Variants in KLRG1 observed in about 807,000 individuals in gnomAD.
KLRG1 encodes killer cell lectin like receptor G1, also known as killer cell lectin-like receptor subfamily G member 1.
KLRG1 carries 16 observed loss-of-function variants against 21.8 expected under a neutral mutation model. That is an observed-to-expected ratio of 0.73 (90% CI 0.50 to 1.11). The LOEUF (loss-of-function observed/expected upper bound fraction) is 1.11, where lower values mean the gene tolerates loss of function less well. KLRG1 is among the 50% of genes most tolerant of loss of function. KLRG1 has a pLI of 0.00. For missense variants in KLRG1, 173 were observed against 218.3 expected (o/e 0.79, Z 1.31); for synonymous variants, 69 against 75.9 (o/e 0.91, Z 0.47).
the KLRG1 span, among the ~76,000 whole-genome samples, chr12:9,021,062 ATAGAAAAAATAC>A: frequency 3.9e-5 from 6 of 152,224 alleles, no homozygotes; most frequent in African/African-American, 1.4e-4. Flanking sequence ...ACATCCAAGC[ATAGAAAAAATAC>A]AGTAAAATAC....
At chr12:9,113,353 C>T in the KLRG1 span, 2 of 1,612,830 alleles carry the variant, frequency 1.2e-6, no homozygotes, top group Admixed American at 3.3e-5. Flanking sequence ...CAAACAGCCA[C>T]ACTCACAGCG....
chr12:9,107,430 T>C, the KLRG1 span: 1 of 1,452,916 alleles, frequency 6.9e-7, no homozygotes, highest in Non-Finnish European at 9.4e-7. Context: ...CTCTTCTAGA[T>C]TGTTCTCTTC....
At chr12:9,162,460 A>G in the KLRG1 span, 1 of 656,910 alleles carries the variant, frequency 1.5e-6, no homozygotes, top group East Asian at 2.7e-5. Flanking sequence ...AAACATACAT[A>G]AAGAAATATT....
chr12:9,070,518 G>T, the KLRG1 span: 1 of 1,613,906 alleles, frequency 6.2e-7, no homozygotes, highest in Non-Finnish European at 8.5e-7. Context: ...GGGGAATGAA[G>T]CCAGAGACCA....
chr12:8,958,856 CAA>C (rs35772625), intron 1 of KLRG1, among the ~76,000 whole-genome samples: 209 of 131,574 alleles, frequency 1.6e-3, no homozygotes, highest in Non-Finnish European at 1.7e-3. Context: ...TACCCTGTAT[CAA>C]AAAAAAAAAA....
At chr12:9,034,559 C>T in the KLRG1 span, among the ~76,000 whole-genome samples, 1 of 152,072 alleles carries the variant, frequency 6.6e-6, no homozygotes, top group African/African-American at 2.4e-5. Context: ...GATTCTTCCG[C>T]CACAGCCTCC....
chr12:9,158,410 A>G, the KLRG1 span: 13 of 1,613,832 alleles, frequency 8.1e-6, no homozygotes, highest in African/African-American at 2.7e-5. Flanking sequence ...AAGTTTGTGG[A>G]ACAGTTCACC....
intron 1 of KLRG1, 35 bp downstream of exon 1, chr12:8,989,752 T>C: frequency 8.5e-7 from 1 of 1,174,700 alleles, no homozygotes; most frequent in Non-Finnish European, 1.3e-6. Context: ...AGACGATGCA[T>C]AGCAACAGTA....
chr12:9,106,513 G>C, the KLRG1 span: 2 of 1,597,524 alleles, frequency 1.3e-6, no homozygotes, highest in Non-Finnish European at 1.7e-6. Context: ...CTTGGATCTG[G>C]GCCTCAGTGT....
chr12:9,047,280 C>T, the KLRG1 span, among the ~76,000 whole-genome samples: 82 of 152,172 alleles, frequency 5.4e-4, no homozygotes, highest in African/African-American at 1.8e-3. Flanking sequence ...TTATAAGGGA[C>T]GGGAGTGAGG....
chr12:9,098,482 T>G, the KLRG1 span: 1 of 1,061,056 alleles, frequency 9.4e-7, no homozygotes, highest in Non-Finnish European at 1.3e-6. Context: ...ACAAGAGAGC[T>G]CAAAGCAATT....
the KLRG1 span, chr12:9,066,498 CACACACCCCTA>C: frequency 6.6e-6 from 1 of 152,320 alleles, no homozygotes; most frequent in African/African-American, 2.4e-5. Flanking sequence ...CACGCTTGCT[CACACACCCCTA>C]GCACACCCCT....
At chr12:9,202,531 G>A in the KLRG1 span, 1 of 1,614,078 alleles carries the variant, frequency 6.2e-7, no homozygotes, top group Non-Finnish European at 8.5e-7. Flanking sequence ...TTACCTGTCT[G>A]TCCTGGTTTA....
chr12:9,059,964 T>C, the KLRG1 span, among the ~76,000 whole-genome samples: 1 of 149,412 alleles, frequency 6.7e-6, no homozygotes, highest in Admixed American at 6.7e-5. Context: ...GGGTTACAGG[T>C]GTGAGCCACT....
chr12:9,142,338 T>G, the KLRG1 span, among the ~76,000 whole-genome samples: 1 of 152,208 alleles, frequency 6.6e-6, no homozygotes, highest in Non-Finnish European at 1.5e-5. Context: ...GCAAAGATTA[T>G]TCTGTTTGGG....
chr12:9,130,871 A>G, the KLRG1 span, among the ~76,000 whole-genome samples: 3 of 152,098 alleles, frequency 2.0e-5, no homozygotes, highest in Admixed American at 2.0e-4. Context: ...GAAGTCATTG[A>G]CAAACCCCAT....
the KLRG1 span, among the ~76,000 whole-genome samples, chr12:9,154,299 T>A: frequency 6.6e-6 from 1 of 152,194 alleles, no homozygotes; most frequent in African/African-American, 2.4e-5. Flanking sequence ...ACAACGATGA[T>A]GTGGCTCGAA....
the KLRG1 span, among the ~76,000 whole-genome samples, chr12:9,092,480 G>A: frequency 3.9e-5 from 6 of 152,266 alleles, no homozygotes; most frequent in Middle Eastern, 3.4e-3. Context: ...TCTCCTAAGG[G>A]TTGGGCTTCT....
the KLRG1 span, among the ~76,000 whole-genome samples, chr12:9,022,957 C>G: frequency 6.6e-6 from 1 of 152,188 alleles, no homozygotes; most frequent in Non-Finnish European, 1.5e-5. Context: ...TCTCACATGC[C>G]TTACCCCATG....
Sources: gnomAD v4.1 joint callset for allele counts (sites outside exome capture counted in the v4.1 genomes callset) on GRCh38, gnomAD v4.1.1 for gene constraint, MANE v1.5 for transcripts, NCBI Gene and HGNC (gene_info 2026-07-23, HGNC 2026-07-21) for gene names.